Variants in AGBL1 observed in about 807,000 individuals in gnomAD.
AGBL1 encodes cytosolic carboxypeptidase 4.
Under a neutral mutation model 118.9 loss-of-function variants are expected in AGBL1, and 130 were observed. That is an observed-to-expected ratio of 1.09 (90% CI 0.95 to 1.26). AGBL1 has a LOEUF of 1.26. Ranked by LOEUF, AGBL1 falls within the 50% of genes most tolerant of loss-of-function variation. The pLI is 0.00. For synonymous variants in AGBL1, 555 were observed against 478.9 expected (o/e 1.16, Z -2.08); for missense variants, 1,584 against 1,298.1 (o/e 1.22, Z -3.38).
At chr15:86,139,016 A>G (rs902684978) in intron 1 of AGBL1, among the ~76,000 whole-genome samples, 11 of 152,178 alleles carry the variant, frequency 7.2e-5, no homozygotes, top group Non-Finnish European at 1.5e-4. Context: ...CTAGTTTTTC[A>G]TAGACTACGG....
At chr15:86,454,176 C>T (rs1243127841) in intron 18 of AGBL1, among the ~76,000 whole-genome samples, 2 of 152,132 alleles carry the variant, frequency 1.3e-5, no homozygotes, top group Admixed American at 6.5e-5. Flanking sequence ...GAAAAGTTCC[C>T]TTAGAGGTGC....
At chr15:86,383,649 C>T (rs992954518) in intron 17 of AGBL1, among the ~76,000 whole-genome samples, 1 of 152,102 alleles carries the variant, frequency 6.6e-6, no homozygotes, top group Admixed American at 6.6e-5. Context: ...TGTTTCACTC[C>T]TCTTACCTTT....
At chr15:86,837,071 C>T (rs1249137225) in intron 22 of AGBL1, among the ~76,000 whole-genome samples, 1 of 152,066 alleles carries the variant, frequency 6.6e-6, no homozygotes, top group Non-Finnish European at 1.5e-5. Flanking sequence ...CTCCTTTCCC[C>T]AAATAAAAAT....
intron 22 of AGBL1, among the ~76,000 whole-genome samples, chr15:86,877,095 G>A (rs558046747): frequency 6.6e-6 from 1 of 152,014 alleles, no homozygotes; most frequent in East Asian, 1.9e-4. Flanking sequence ...ATAAGATAGG[G>A]TATATGGGTC....
intron 21 of AGBL1, among the ~76,000 whole-genome samples, chr15:86,565,432 G>T (rs944898306): frequency 6.6e-6 from 1 of 152,252 alleles, no homozygotes; most frequent in African/African-American, 2.4e-5. Context: ...AGCAGCAGGG[G>T]CTGCAGAGCA....
intron 21 of AGBL1, among the ~76,000 whole-genome samples, chr15:86,561,438 G>T (rs749603143): frequency 6.6e-6 from 1 of 151,244 alleles, no homozygotes; most frequent in Non-Finnish European, 1.5e-5. Context: ...TGCTTTTGTT[G>T]GGTTTGTCAA....
At chr15:86,152,705 A>C (rs1284235462) in intron 3 of AGBL1, among the ~76,000 whole-genome samples, 2 of 152,236 alleles carry the variant, frequency 1.3e-5, no homozygotes, top group Non-Finnish European at 2.9e-5. Flanking sequence ...CAGCAAGAGA[A>C]ACTACCATCA....
intron 5 of AGBL1, among the ~76,000 whole-genome samples, chr15:86,219,035 T>C (rs2078235998): frequency 6.6e-6 from 1 of 152,240 alleles, no homozygotes; most frequent in Non-Finnish European, 1.5e-5. Flanking sequence ...ATAACTAATA[T>C]GGGTGGCATT....
chr15:86,689,695 TA>T (rs972674620), intron 22 of AGBL1, among the ~76,000 whole-genome samples: 3 of 151,962 alleles, frequency 2.0e-5, no homozygotes, highest in East Asian at 1.9e-4. Flanking sequence ...TTTTATGTAT[TA>T]AAAAAAATTA....
At chr15:86,358,600 T>G (rs1246008483) in intron 17 of AGBL1, among the ~76,000 whole-genome samples, 1 of 152,042 alleles carries the variant, frequency 6.6e-6, no homozygotes, top group Non-Finnish European at 1.5e-5. Flanking sequence ...TTGAGGAACT[T>G]CTGTACTGTT....
intron 5 of AGBL1, among the ~76,000 whole-genome samples, chr15:86,167,126 C>G (rs879821882): frequency 2.0e-5 from 3 of 152,124 alleles, no homozygotes; most frequent in Non-Finnish European, 4.4e-5. Flanking sequence ...CTGTAACCAC[C>G]TACAAATATG....
chr15:86,080,768 T>C (rs1485815430), intron 1 of AGBL1, among the ~76,000 whole-genome samples: 1 of 152,032 alleles, frequency 6.6e-6, no homozygotes, highest in African/African-American at 2.4e-5. Context: ...GTTTGAAAAC[T>C]CCCCCGGGGT....
intron 18 of AGBL1, among the ~76,000 whole-genome samples, chr15:86,469,751 C>G (rs2082454944): frequency 6.6e-6 from 1 of 152,096 alleles, no homozygotes; most frequent in South Asian, 2.1e-4. Context: ...TATATTTTGT[C>G]TTTTTGTTCA....
intron 16 of AGBL1, among the ~76,000 whole-genome samples, chr15:86,285,025 A>C (rs1353866530): frequency 6.6e-6 from 1 of 152,124 alleles, no homozygotes; most frequent in African/African-American, 2.4e-5. Flanking sequence ...CAGTTGGCAC[A>C]TGCATTCAGA....
At chr15:86,457,533 G>C (rs1247887105) in intron 18 of AGBL1, among the ~76,000 whole-genome samples, 1 of 152,140 alleles carries the variant, frequency 6.6e-6, no homozygotes, top group African/African-American at 2.4e-5. Context: ...GAGAATTTTA[G>C]AGTCAGGAAA....
intron 22 of AGBL1, among the ~76,000 whole-genome samples, chr15:86,738,799 G>A (rs774861411): frequency 6.6e-6 from 1 of 152,090 alleles, no homozygotes; most frequent in Non-Finnish European, 1.5e-5. Flanking sequence ...GATAGAAGTT[G>A]TGTGGGGGAA....
At chr15:86,396,973 T>C (rs976112347) in intron 17 of AGBL1, among the ~76,000 whole-genome samples, 1 of 152,170 alleles carries the variant, frequency 6.6e-6, no homozygotes, top group Non-Finnish European at 1.5e-5. Context: ...ATCAAATAGT[T>C]ACATTTTTGA....
intron 23 of AGBL1, chr15:86,939,091 C>T (rs913950993): frequency 1.3e-5 from 2 of 152,274 alleles, no homozygotes; most frequent in Non-Finnish European, 2.9e-5. Context: ...CCTGCATAGC[C>T]TGTGTGATGG....
At chr15:86,290,189 AT>A (rs914086884) in intron 16 of AGBL1, among the ~76,000 whole-genome samples, 46 of 152,030 alleles carry the variant, frequency 3.0e-4, no homozygotes, top group Non-Finnish European at 2.9e-4. Context: ...CTAAAGAATT[AT>A]TTTTTAATGT....
Sources: gnomAD v4.1 joint callset for allele counts (sites outside exome capture counted in the v4.1 genomes callset) on GRCh38, gnomAD v4.1.1 for gene constraint, MANE v1.5 for transcripts, NCBI Gene and HGNC (gene_info 2026-07-23, HGNC 2026-07-21) for gene names.